Variants in SLC6A13 observed in about 807,000 individuals in gnomAD.
SLC6A13 encodes the protein sodium- and chloride-dependent GABA transporter 2.
SLC6A13 carries 69 observed loss-of-function variants against 72.9 expected under a neutral mutation model. The observed-to-expected ratio is 0.95, with a 90% CI of 0.78 to 1.16. SLC6A13 has a LOEUF of 1.16. Ranked by LOEUF, SLC6A13 falls within the 50% of genes most tolerant of loss-of-function variation. The probability of loss-of-function intolerance (pLI) is 0.00; values close to 1 mark genes in which losing one functional copy is unlikely to be tolerated. For missense variants in SLC6A13, 735 were observed against 760.5 expected (o/e 0.97, Z 0.39); for synonymous variants, 303 against 303.0 (o/e 1.00, Z 0.00).
In SLC6A13 at chr12:223,209, A is replaced by AG; in HGVS notation, c.1336_1337insC (p.Phe446SerfsTer2). On this transcript the variant is annotated frameshift_variant, in exon 12 of 15. Coordinates refer to ENST00000343164, the MANE Select transcript of SLC6A13 (RefSeq NM_016615.5). LOFTEE classifies it high-confidence loss of function. ...CATGCCACTGGCCGCATAGTAGTCA[A>AG]AGAGCTGGAACACGTACATTCCGCC... 1 of 1,613,386 alleles carries AG rather than the reference A, an allele frequency of 6.2e-7. No individual in the cohort carries two copies. Among genetic ancestry groups the AG allele is most frequent in the Non-Finnish European group, 8.5e-7 (1 of 1,179,332 alleles).
intron 2 of SLC6A13, 101 bp downstream of exon 2, chr12:259,750 T>C: frequency 6.2e-7 from 1 of 1,611,524 alleles, no homozygotes; most frequent in Non-Finnish European, 8.5e-7. Flanking sequence ...CCTCCAGAAT[T>C]CTATACATCT....
chr12:261,403 T>C (rs1436869672), intron 1 of SLC6A13, among the ~76,000 whole-genome samples: 1 of 152,230 alleles, frequency 6.6e-6, no homozygotes, highest in Admixed American at 6.5e-5. Context: ...GCCCCTGCTC[T>C]TTCAGTTCCA....
chr12:261,829 G>C (rs1942935161), intron 1 of SLC6A13, among the ~76,000 whole-genome samples: 1 of 152,090 alleles, frequency 6.6e-6, no homozygotes, highest in Non-Finnish European at 1.5e-5. Flanking sequence ...AGGAGGCTGA[G>C]GCAGGAGAAT....
At position 237,290 on chromosome 12, in the gene SLC6A13, C is replaced by T; in HGVS notation, c.564G>A (p.Glu188=). The change falls in exon 6 of 15, where the codon GAG becomes GAA. Residue 188 remains glutamate, a splice_region_variant and synonymous_variant. Transcript: ENST00000343164. ...NATSPVIEFW[E]RRVLKISDGI... The stretch of plus-strand genomic sequence containing the variant: ...CATCAGAGATCTTCAAGACCCGCCG[C>T]CTGGGGAGAGAAGGGTTGAACCTGG... The T allele has an allele frequency of 6.2e-7, 1 of 1,614,148 alleles. No individual in the cohort carries two copies. The highest frequency in any genetic ancestry group is 8.5e-7 in the Non-Finnish European group (1 of 1,179,978).
In SLC6A13 at chr12:221,034, G is replaced by T; in HGVS notation, c.1723C>A (p.Pro575Thr). ...GAGGGTCCTGCTGGGTTCCGCTGGG[G>T]CAGGTCCTCGGCTGGGCACATGAGC... is the stretch of plus-strand genomic sequence containing the variant. ...RQLMCPAEDL[P>T]QRNPAGPSAP... Residue 575 changes from proline to threonine, a missense_variant, in exon 15 of 15, where the codon CCC (proline) becomes ACC (threonine). Physicochemically the swap from Pro to Thr is conservative, Grantham distance 38. Coordinates refer to ENST00000343164, the MANE Select transcript of SLC6A13 (RefSeq NM_016615.5). 2 of 1,611,526 alleles carry T rather than the reference G, an allele frequency of 1.2e-6. No individual in the cohort carries two copies. The highest frequency in any genetic ancestry group is 8.5e-7 in the Non-Finnish European group (1 of 1,179,480).
At chr12:223,839 G>T (rs760912151) in intron 11 of SLC6A13, 153 bp downstream of exon 11, 55 of 818,710 alleles carry the variant, frequency 6.7e-5, no homozygotes, top group Non-Finnish European at 9.4e-5. Flanking sequence ...TGCCTACTTT[G>T]TCGTTCCTGG....
chr12:259,995 C>T lies in SLC6A13; in HGVS notation c.58G>A (p.Val20Ile), dbSNP rs1364999956. 1 of 1,614,222 alleles carries T rather than the reference C, an allele frequency of 6.2e-7. No individual in the cohort carries two copies. Among genetic ancestry groups the T allele is most frequent in the Admixed American group, 1.7e-5 (1 of 60,024 alleles). ...CCATCTTCCTCCTTCTTTTCCATGA[C>T]TGGATACACTGGTTTTGTCTCTCCA... ...SNGETKPVYPVMEKKEEDGTL... is the reference protein window; with the variant it reads ...SNGETKPVYPIMEKKEEDGTL... The change falls in exon 2 of 15, where the codon GTC becomes ATC. Residue 20 changes from valine to isoleucine, a missense_variant. Physicochemically the swap from Val to Ile is conservative, Grantham distance 29 (BLOSUM62 3). Transcript: ENST00000343164.
intron 7 of SLC6A13, among the ~76,000 whole-genome samples, chr12:230,927 G>A (rs751966801): frequency 2.6e-5 from 4 of 152,202 alleles, no homozygotes; most frequent in Non-Finnish European, 4.4e-5. Flanking sequence ...TAATGAGGTG[G>A]CATAGATTGG....
chr12:221,208 T>C lies in SLC6A13; in HGVS notation c.1687-138A>G, dbSNP rs1176348695. 10 of 1,343,490 alleles carry C rather than the reference T, an allele frequency of 7.4e-6. No homozygotes were observed. In the East Asian group the frequency reaches 2.1e-4, roughly 28 times the overall value. The allele number at this position is 1,343,490 out of a possible 1,614,324, so 83.2% of individuals were successfully genotyped here. ...CACAGCCCCTGTCTGGGAGTCCCCCTGTGTCTTCCCGAGACTTCTCAGCAG... is the reference window on the plus strand; with the variant it reads ...CACAGCCCCTGTCTGGGAGTCCCCCCGTGTCTTCCCGAGACTTCTCAGCAG... On this transcript the variant is annotated intron_variant, in intron 14 of 14. Coordinates refer to ENST00000343164, the MANE Select transcript of SLC6A13 (RefSeq NM_016615.5).
intron 2 of SLC6A13, among the ~76,000 whole-genome samples, chr12:258,202 G>A (rs1339408388): frequency 1.3e-5 from 2 of 152,180 alleles, no homozygotes; most frequent in Admixed American, 6.6e-5. Flanking sequence ...TTCCTAGGAG[G>A]AAGGGACACG....
chr12:247,798 G>A (rs1942405620), intron 2 of SLC6A13, among the ~76,000 whole-genome samples: 1 of 152,006 alleles, frequency 6.6e-6, no homozygotes, highest in Non-Finnish European at 1.5e-5. Context: ...ATATAAAAAT[G>A]TATAAGAAGA....
chr12:238,797 A>G (rs1211252277), intron 4 of SLC6A13, among the ~76,000 whole-genome samples: 2 of 152,164 alleles, frequency 1.3e-5, no homozygotes, highest in Admixed American at 1.3e-4. Context: ...TTCCACCTTC[A>G]AAATATCCAG....
chr12:242,844 G>A, intron 3 of SLC6A13, 90 bp from the exon 4 acceptor site: 3 of 1,260,982 alleles, frequency 2.4e-6, no homozygotes, highest in African/African-American at 1.5e-5. Context: ...TGAGGTGAGA[G>A]GATTGTCTGA....
chr12:224,252 A>G (rs981217576), intron 10 of SLC6A13, 123 bp from the exon 11 acceptor site: 12 of 1,433,046 alleles, frequency 8.4e-6, no homozygotes, highest in Admixed American at 1.9e-5. Flanking sequence ...CCCCTGAGCT[A>G]TTGTCCTTGC....
At chr12:230,697 C>T (rs914166478) in intron 7 of SLC6A13, among the ~76,000 whole-genome samples, 3 of 152,146 alleles carry the variant, frequency 2.0e-5, no homozygotes, top group Non-Finnish European at 4.4e-5. Context: ...ATAAAACCCA[C>T]GCTCCCCCAC....
intron 2 of SLC6A13, 46 bp downstream of exon 2, chr12:259,805 C>T (rs779522212): frequency 3.1e-6 from 5 of 1,614,210 alleles, no homozygotes; most frequent in East Asian, 2.2e-5. Context: ...ATGGAAGTAT[C>T]CTCCTTCCAG....
intron 2 of SLC6A13, among the ~76,000 whole-genome samples, chr12:247,631 G>C (rs1942400036): frequency 9.2e-5 from 14 of 152,134 alleles, no homozygotes. Flanking sequence ...GATATCACCA[G>C]ATAGAAATAT....
chr12:244,583 G>A (rs377745048), intron 2 of SLC6A13, among the ~76,000 whole-genome samples: 39 of 152,186 alleles, frequency 2.6e-4, no homozygotes, highest in African/African-American at 8.4e-4. Context: ...CTAGCTACTC[G>A]GGAGGCTGAG....
At chr12:222,323 C>A (rs568285505) in intron 13 of SLC6A13, among the ~76,000 whole-genome samples, 1 of 152,340 alleles carries the variant, frequency 6.6e-6, no homozygotes, top group African/African-American at 2.4e-5. Flanking sequence ...CGTCTGACAG[C>A]TCTGGACCTC....
Sources: gnomAD v4.1 joint callset for allele counts (sites outside exome capture counted in the v4.1 genomes callset) on GRCh38, gnomAD v4.1.1 for gene constraint, MANE v1.5 for transcripts, NCBI Gene and HGNC (gene_info 2026-07-23, HGNC 2026-07-21) for gene names.